TMEM135: variants seen among roughly 807,000 people sequenced by gnomAD.
TMEM135 encodes the protein transmembrane protein 135.
A neutral mutation model predicts 60.3 loss-of-function variants in TMEM135; 30 were observed. The observed-to-expected ratio is 0.50, with a 90% CI of 0.37 to 0.68. TMEM135 has a LOEUF of 0.68. Ranked by LOEUF, TMEM135 falls within the 30% of genes least tolerant of loss-of-function variation. The pLI is 0.00. For synonymous variants in TMEM135, 190 were observed against 186.7 expected (o/e 1.02, Z -0.14); for missense variants, 468 against 548.8 (o/e 0.85, Z 1.47).
intron 5 of TMEM135, among the ~76,000 whole-genome samples, chr11:87,171,352 T>TTA (rs1939232456): frequency 4.6e-5 from 7 of 151,488 alleles, no homozygotes; most frequent in Admixed American, 1.3e-4. Context: ...TTTTTTTTTT[T>TTA]AATCACATTT....
chr11:87,102,274 A>G (rs1857474608), intron 4 of TMEM135, among the ~76,000 whole-genome samples: 1 of 152,116 alleles, frequency 6.6e-6, no homozygotes. Flanking sequence ...CCCCCTCTTC[A>G]AGTTCAGCTA....
intron 6 of TMEM135, among the ~76,000 whole-genome samples, chr11:87,293,606 T>C (rs1942303309): frequency 6.6e-6 from 1 of 152,108 alleles, no homozygotes; most frequent in African/African-American, 2.4e-5. Context: ...TGACAACATG[T>C]AGTATTTGGT....
At chr11:87,303,511 G>A (rs976483354) in intron 8 of TMEM135, among the ~76,000 whole-genome samples, 5 of 152,154 alleles carry the variant, frequency 3.3e-5, no homozygotes, top group African/African-American at 1.2e-4. Flanking sequence ...AACTTTGGAC[G>A]AGAGATTTAA....
chr11:87,212,423 A>G (rs1168063326), intron 5 of TMEM135, among the ~76,000 whole-genome samples: 2 of 152,174 alleles, frequency 1.3e-5, no homozygotes, highest in Non-Finnish European at 2.9e-5. Context: ...TTAAAGGAGA[A>G]CTTTGTAAAT....
intron 6 of TMEM135, among the ~76,000 whole-genome samples, chr11:87,252,058 A>G (rs1302930856): frequency 6.6e-6 from 1 of 152,080 alleles, no homozygotes. Context: ...AGTTTAGTAA[A>G]CTCAAGAAGC....
rs576920070 is a variant in TMEM135, at chr11:87,064,708, C to A, written c.142-2986C>A. 1.8e-3 allele frequency among the ~76,000 whole-genome samples: 268 copies of A among 152,242 alleles called. 3 individuals are homozygous for A. Among genetic ancestry groups the A allele is most frequent in the African/African-American group, 6.1e-3 (252 of 41,548 alleles). On this transcript the variant is annotated intron_variant, in intron 1 of 14. Transcript: ENST00000305494. ...GACCAGCCTGACCAACATGGCGAAG[C>A]CCCATCTTTACTAAAAATACAAAAA...
At chr11:87,042,954 G>GTTTTTTTTTTTTTT (rs201655891) in intron 1 of TMEM135, among the ~76,000 whole-genome samples, 1 of 125,408 alleles carries the variant, frequency 8.0e-6, no homozygotes, top group African/African-American at 3.2e-5. Flanking sequence ...CTGTAGTTTT[G>GTTTTTTTTTTTTTT]TTTTGTTTTT....
chr11:87,324,764 A>G lies in TMEM135; in HGVS notation c.*3431A>G, dbSNP rs537900012. 3 of 453,940 alleles carry G rather than the reference A, an allele frequency of 6.6e-6. No homozygotes were observed. In the East Asian group the frequency reaches 2.1e-4, roughly 32 times the overall value. 28.1% of individuals were successfully genotyped at this position (453,940 alleles called of 1,614,324 possible). On this transcript the variant is annotated 3_prime_UTR_variant, in exon 15 of 15. Coordinates refer to ENST00000305494, the MANE Select transcript of TMEM135 (RefSeq NM_022918.4). The stretch of plus-strand genomic sequence containing the variant: ...ATTTGTATGAGTATTAAGTAGTTTG[A>G]CACAGCAACAAAGTTGTCCTTTGTT...
intron 5 of TMEM135, among the ~76,000 whole-genome samples, chr11:87,214,857 T>G (rs957587692): frequency 5.9e-5 from 9 of 152,162 alleles, no homozygotes; most frequent in Non-Finnish European, 8.8e-5. Context: ...TGCATATTAT[T>G]AGGTCATTGT....
intron 9 of TMEM135, among the ~76,000 whole-genome samples, chr11:87,307,053 C>T (rs990508064): frequency 6.6e-6 from 1 of 152,000 alleles, no homozygotes; most frequent in Non-Finnish European, 1.5e-5. Context: ...TCTAACAGTT[C>T]CAATGCTGTA....
intron 1 of TMEM135, among the ~76,000 whole-genome samples, chr11:87,054,459 A>T (rs557780153): frequency 1.3e-5 from 2 of 152,218 alleles, no homozygotes; most frequent in African/African-American, 4.8e-5. Flanking sequence ...AAAAAAGAAA[A>T]ATATTTAGTA....
intron 3 of TMEM135, among the ~76,000 whole-genome samples, chr11:87,089,983 G>C (rs780152323): frequency 6.6e-6 from 1 of 151,930 alleles, no homozygotes. Context: ...TGCCATGTTC[G>C]TTTGCTGCAT....
intron 5 of TMEM135, among the ~76,000 whole-genome samples, chr11:87,227,201 G>C (rs919560013): frequency 1.3e-5 from 2 of 151,624 alleles, no homozygotes; most frequent in African/African-American, 4.8e-5. Context: ...TCTGAGACTT[G>C]GCTTATTCTA....
chr11:87,324,674 T>A lies in TMEM135; in HGVS notation c.*3341T>A, dbSNP rs1300246551. On this transcript the variant is annotated 3_prime_UTR_variant, in exon 15 of 15. Coordinates refer to ENST00000305494, the MANE Select transcript of TMEM135 (RefSeq NM_022918.4). Reference sequence around the variant, plus strand: ...TTAAACTCCTGGCCTCAAGTGATCCTCTTGGGTTGGCCTCCCGGGACTCTG... The same window carrying A: ...TTAAACTCCTGGCCTCAAGTGATCCACTTGGGTTGGCCTCCCGGGACTCTG... 9 of 453,398 alleles carry A rather than the reference T, an allele frequency of 2.0e-5. No homozygotes were observed. The highest frequency in any genetic ancestry group is 1.4e-4 in the South Asian group (9 of 64,334). 28.1% of individuals were successfully genotyped at this position (453,398 alleles called of 1,614,324 possible). A position where few individuals can be genotyped will look rare whatever the true frequency, so the allele number is the denominator to read the frequency against.
At chr11:87,242,671 T>C (rs1046539354) in intron 6 of TMEM135, among the ~76,000 whole-genome samples, 1 of 144,420 alleles carries the variant, frequency 6.9e-6, no homozygotes, top group Admixed American at 6.9e-5. Context: ...TGTCTGTTGA[T>C]ATCCTTTGCC....
Position 87,122,818 on chromosome 11 carries a change from A to G in TMEM135, c.396+31423A>G, listed in dbSNP as rs142114260. Among the ~76,000 whole-genome samples the G allele has an allele frequency of 4.9e-4, 75 of 152,278 alleles. No individual in the cohort carries two copies. In the East Asian group the frequency reaches 0.013, roughly 25 times the overall value. ...TACTTGGTCAGATCTCATCAGTACT[A>G]TGCAGTACTCATCAGTACTCAGTAC... On this transcript the variant is annotated intron_variant, in intron 4 of 14. Transcript: ENST00000305494.
intron 5 of TMEM135, among the ~76,000 whole-genome samples, chr11:87,168,402 G>A (rs1248238067): frequency 1.3e-5 from 2 of 152,140 alleles, no homozygotes; most frequent in South Asian, 2.1e-4. Flanking sequence ...ATATTAGGGT[G>A]TTGATTTTAG....
chr11:87,324,892 C>T lies in TMEM135; in HGVS notation c.*3559C>T, dbSNP rs571874773. On this transcript the variant is annotated 3_prime_UTR_variant, in exon 15 of 15. Coordinates refer to ENST00000305494, the MANE Select transcript of TMEM135 (RefSeq NM_022918.4). ...CATTTTCACATAGTAGAATACTTCA[C>T]TCAGCTGAAAATGAGTGGCCAAGAA... 2.2e-6 allele frequency: 1 copy of T among 453,946 alleles called. No individual in the cohort carries two copies. The highest frequency in any genetic ancestry group is 7.0e-5 in the East Asian group (1 of 14,388). 28.1% of individuals were successfully genotyped at this position (453,946 alleles called of 1,614,324 possible).
intron 6 of TMEM135, chr11:87,277,291 C>T (rs1471380897): frequency 7.8e-6 from 3 of 383,258 alleles, no homozygotes; most frequent in Non-Finnish European, 1.6e-5. Flanking sequence ...GCCACCATGC[C>T]TGGCTAATTT....
Sources: gnomAD v4.1 joint callset for allele counts (sites outside exome capture counted in the v4.1 genomes callset) on GRCh38, gnomAD v4.1.1 for gene constraint, MANE v1.5 for transcripts, NCBI Gene and HGNC (gene_info 2026-07-23, HGNC 2026-07-21) for gene names.